The following KMT2A variants were observed in gnomAD, a reference collection of about 807,000 sequenced individuals.
KMT2A encodes lysine methyltransferase 2A, also known as histone-lysine N-methyltransferase 2A.
Under a neutral mutation model 345.3 loss-of-function variants are expected in KMT2A, and 16 were observed. The ratio of observed to expected loss-of-function variants is 0.05; its 90% CI spans 0.03 to 0.07. The LOEUF (loss-of-function observed/expected upper bound fraction) is 0.07, where lower values mean the gene tolerates loss of function less well. Ranked by LOEUF, KMT2A falls within the 10% of genes least tolerant of loss-of-function variation. KMT2A has a pLI of 1.00. For synonymous variants in KMT2A, 1,599 were observed against 1,778.6 expected (o/e 0.90, Z 2.54); for missense variants, 3,272 against 4,841.6 (o/e 0.68, Z 9.62).
chr11:118,515,046 C>T (rs1340431404), intron 31 of KMT2A, among the ~76,000 whole-genome samples: 4 of 152,238 alleles, frequency 2.6e-5, no homozygotes, highest in African/African-American at 4.8e-5. Context: ...GGATCACAGG[C>T]GTGAGCCACT....
At chr11:118,511,882 C>T (rs562518283) in intron 30 of KMT2A, 69 bp from the exon 31 acceptor site, 1 of 1,181,390 alleles carries the variant, frequency 8.5e-7, no homozygotes, top group East Asian at 2.3e-5. Context: ...TGCTTGTGCA[C>T]ATCATTGGTA....
intron 31 of KMT2A, among the ~76,000 whole-genome samples, chr11:118,515,575 A>G (rs1950793827): frequency 6.6e-6 from 1 of 152,036 alleles, no homozygotes; most frequent in South Asian, 2.1e-4. Context: ...AGCAGTTCCC[A>G]CAATAACATT....
chr11:118,505,375 T>C lies in KMT2A; in HGVS notation c.9483T>C (p.His3161=), dbSNP rs1555047723. The C allele has an allele frequency of 1.2e-5, 19 of 1,614,188 alleles. No individual in the cohort carries two copies. Among genetic ancestry groups the C allele is most frequent in the Non-Finnish European group, 1.5e-5 (18 of 1,180,032 alleles). The stretch of plus-strand genomic sequence containing the variant: ...GCAAAGGATTGCTACCCATGTCTCA[T>C]CACCAGCACTTACATTCCTTCCCTG... ...SASKGLLPMS[H]HQHLHSFPAA... is the part of the protein sequence containing the mutation. Residue 3161 remains histidine, a synonymous_variant, in exon 27 of 36, where the codon CAT becomes CAC. Transcript: ENST00000534358. This position sits in a 1 kb window ranked among gnomAD's most constrained non-coding sequence, Gnocchi z 4.6.
At chr11:118,469,454 G>C (rs1359241381) in intron 2 of KMT2A, among the ~76,000 whole-genome samples, 1 of 152,038 alleles carries the variant, frequency 6.6e-6, no homozygotes, top group Non-Finnish European at 1.5e-5. Context: ...TTCTTGAAAG[G>C]CTGTATTAAA....
rs1203704746 is a variant in KMT2A at position 118,521,821 on chromosome 11, G to A, written c.11644-76G>A. 7.9e-5 allele frequency: 117 copies of A among 1,480,788 alleles called. No individual in the cohort carries two copies. In the Middle Eastern group the frequency reaches 1.4e-3, roughly 18 times the overall value. 91.7% of individuals were successfully genotyped at this position (1,480,788 alleles called of 1,614,324 possible). ...TCTCAGCCGCTATAGGTAACATCAA[G>A]AGAAGATTGGGACATGTTCTTAAAG... On this transcript the variant is annotated intron_variant, in intron 35 of 35. Transcript: ENST00000534358. This position sits in a 1 kb window ranked among gnomAD's most constrained non-coding sequence, Gnocchi z 5.3.
chr11:118,509,340 T>C (rs1444631285), intron 29 of KMT2A, 140 bp downstream of exon 29: 3 of 672,848 alleles, frequency 4.5e-6, no homozygotes, highest in Non-Finnish European at 7.4e-6. Context: ...TTGGCCCACA[T>C]TGGACTGAAA....
rs1555039486 is a variant in KMT2A at position 118,482,110 on chromosome 11, G to A, written c.4012+18G>A. On this transcript the variant is annotated intron_variant, in intron 7 of 35. Transcript: ENST00000534358. ...AGAATCAGGTGAGTGAGGAGGGCAA[G>A]AAGGAATTGCTGAACCACAAGTACT... The A allele has an allele frequency of 6.3e-7, 1 of 1,580,012 alleles. No homozygotes were observed. Among genetic ancestry groups the A allele is most frequent in the Non-Finnish European group, 8.6e-7 (1 of 1,167,258 alleles).
At chr11:118,455,165 A>G (rs1210322787) in intron 1 of KMT2A, among the ~76,000 whole-genome samples, 1 of 152,174 alleles carries the variant, frequency 6.6e-6, no homozygotes, top group Non-Finnish European at 1.5e-5. Flanking sequence ...AGCTAGGATT[A>G]CAGGCGAGAG....
chr11:118,456,381 C>T (rs568535933), intron 1 of KMT2A, among the ~76,000 whole-genome samples: 9 of 151,850 alleles, frequency 5.9e-5, no homozygotes, highest in Non-Finnish European at 8.8e-5. Flanking sequence ...CATTGTCACC[C>T]GGGCTGGAGT....
In KMT2A at chr11:118,521,061, CATA is replaced by C; in HGVS notation, c.11513+181_11513+183del. 2 of 650,000 alleles carry C rather than the reference CATA, an allele frequency of 3.1e-6. No homozygotes were observed. Among genetic ancestry groups the C allele is most frequent in the Admixed American group, 2.9e-5 (1 of 34,644 alleles). 40.3% of individuals were successfully genotyped at this position (650,000 alleles called of 1,614,324 possible). On this transcript the variant is annotated intron_variant, in intron 34 of 35. Coordinates refer to ENST00000534358, the MANE Select transcript of KMT2A (RefSeq NM_001197104.2). This position sits in a 1 kb window ranked among gnomAD's most constrained non-coding sequence, Gnocchi z 5.3. The stretch of plus-strand genomic sequence containing the variant: ...TCCTTGTGTTGAACAAGGACTTTAA[CATA>C]ATAAGCATTAAAATATTACTGCTTC...
At position 118,471,782 on chromosome 11, in the gene KMT2A, A is replaced by T; in HGVS notation, c.623A>T (p.Asp208Val). 6.2e-7 allele frequency: 1 copy of T among 1,613,734 alleles called. No homozygotes were observed. The highest frequency in any genetic ancestry group is 8.5e-7 in the Non-Finnish European group (1 of 1,179,740). ...AATAAATCAGAGACCAAATCTGGAG[A>T]TAAGATCAAGAAGAAAGATTCTAAA... ...PLNKSETKSG[D>V]KIKKKDSKSI... The change falls in exon 3 of 36, where the codon GAT (aspartate) becomes GTT (valine). Residue 208 changes from aspartate (D) to valine (V), a missense_variant. Transcript: ENST00000534358.
chr11:118,496,017 A>G lies in KMT2A; in HGVS notation c.5557+124A>G. On this transcript the variant is annotated intron_variant, in intron 19 of 35. Coordinates refer to ENST00000534358, the MANE Select transcript of KMT2A (RefSeq NM_001197104.2). This position sits in a 1 kb window ranked among gnomAD's most constrained non-coding sequence, Gnocchi z 4.7. ...AGAAAGGAATTTTCAGGTCATCCTT[A>G]AATGTAATACCATCATTAATTTTGC... 1 of 888,836 alleles carries G rather than the reference A, an allele frequency of 1.1e-6. No homozygotes were observed. The highest frequency in any genetic ancestry group is 1.8e-6 in the Non-Finnish European group (1 of 567,302). The allele number at this position is 888,836 out of a possible 1,614,324, so 55.1% of individuals were successfully genotyped here.
chr11:118,492,496 G>GTA (rs1950341210), intron 15 of KMT2A, among the ~76,000 whole-genome samples: 1 of 152,172 alleles, frequency 6.6e-6, no homozygotes, highest in African/African-American at 2.4e-5. Context: ...TGGCTAACAC[G>GTA]GTGAAACCCC....
chr11:118,463,435 G>A (rs1949784863), intron 1 of KMT2A, among the ~76,000 whole-genome samples: 1 of 152,186 alleles, frequency 6.6e-6, no homozygotes. Context: ...TTTGTGAAAT[G>A]CATAGATTAG....
In KMT2A at chr11:118,497,598, A is replaced by G. The variant is rs781993197; in HGVS notation, c.5665-338A>G. ...GTTTTTGTTGAGACAAAGTCTCCCT[A>G]TGTTGCCCAGGCTGGTCTCAAACTC... On this transcript the variant is annotated intron_variant, in intron 20 of 35. Transcript: ENST00000534358. This position sits in a 1 kb window ranked among gnomAD's most constrained non-coding sequence, Gnocchi z 4.8. Among the ~76,000 whole-genome samples the G allele has an allele frequency of 2.8e-3, 428 of 151,540 alleles. 4 individuals carry two copies. The highest frequency in any genetic ancestry group is 9.0e-4 in the Non-Finnish European group (61 of 67,820).
In KMT2A at chr11:118,505,278, G is replaced by A. The variant is rs2134404929; in HGVS notation, c.9386G>A (p.Gly3129Glu). 6.2e-7 allele frequency: 1 copy of A among 1,614,178 alleles called. No individual in the cohort carries two copies. Among genetic ancestry groups the A allele is most frequent in the Middle Eastern group, 1.6e-4 (1 of 6,062 alleles). ...AATACTTCAGTATTGGGACCCATGG[G>A]AGGTGGTCTCACCCTTACCACAGGA... The part of the protein sequence containing the change: ...ETNTSVLGPM[G>E]GGLTLTTGLN... Residue 3129 changes from glycine to glutamate, a missense_variant, in exon 27 of 36, where the codon GGA (glycine) becomes GAA (glutamate). By Grantham distance (98) the Gly-to-Glu change is moderately conservative. Transcript: ENST00000534358. This position sits in a 1 kb window ranked among gnomAD's most constrained non-coding sequence, Gnocchi z 4.6.
intron 1 of KMT2A, among the ~76,000 whole-genome samples, chr11:118,454,501 C>G (rs1166689553): frequency 6.6e-6 from 1 of 152,158 alleles, no homozygotes; most frequent in African/African-American, 2.4e-5. Flanking sequence ...TTTTTTTCTG[C>G]AAAGGGCCAG....
Position 118,499,388 on chromosome 11 carries a change from G to A in KMT2A, c.6047G>A (p.Gly2016Asp), listed in dbSNP as rs1397000127. The A allele has an allele frequency of 3.1e-6, 5 of 1,605,906 alleles. No individual in the cohort carries two copies. The highest frequency in any genetic ancestry group is 4.2e-6 in the Non-Finnish European group (5 of 1,177,080). ...GISLRRKFLN[G>D]LEPENIHMMI... ...AGCTTGAGAAGGAAGTTTCTCAATG[G>A]CTTGGAACCAGAAAATATCCACATG... is the stretch of plus-strand genomic sequence containing the variant. The change falls in exon 23 of 36, where the codon GGC becomes GAC. Residue 2016 changes from glycine to aspartate, a missense_variant. This residue lies in a region of KMT2A where 235 missense variants were observed against 503.4 expected (regional missense o/e 0.47). Transcript: ENST00000534358.
rs1447515440 is a variant in KMT2A, at chr11:118,505,795, G to A, written c.9903G>A (p.Pro3301=). The change falls in exon 27 of 36, where the codon CCG becomes CCA. Residue 3301 remains proline, a synonymous_variant. Coordinates refer to ENST00000534358, the MANE Select transcript of KMT2A (RefSeq NM_001197104.2). This position sits in a 1 kb window ranked among gnomAD's most constrained non-coding sequence, Gnocchi z 4.6. ...AATCTAGCATCATGTATTTTGAACC[G>A]GCACCCCTGTTACCACAGAGTGTGG... is the stretch of plus-strand genomic sequence containing the variant. The part of the protein sequence containing the change: ...RSKSSIMYFE[P]APLLPQSVGG... 30 of 1,613,934 alleles carry A rather than the reference G, an allele frequency of 1.9e-5. No individual in the cohort carries two copies. The highest frequency in any genetic ancestry group is 1.7e-4 in the African/African-American group (13 of 74,856).
Sources: allele counts gnomAD v4.1 joint callset (sites outside exome capture counted in the v4.1 genomes callset), GRCh38; gene constraint gnomAD v4.1.1; regional missense constraint gnomAD v4.1.1; non-coding constraint Gnocchi (gnomAD v3.1); transcripts MANE v1.5; gene names NCBI Gene and HGNC (gene_info 2026-07-23, HGNC 2026-07-21).